Variants in EYS observed in about 807,000 individuals in gnomAD.
EYS encodes the protein EGF-like photoreceptor maintenance factor, also known as protein eyes shut homolog.
EYS carries 250 observed loss-of-function variants against 282.1 expected under a neutral mutation model. The ratio of observed to expected loss-of-function variants is 0.89; its 90% CI spans 0.80 to 0.98. The LOEUF is 0.98. Ranked by LOEUF, EYS falls within the 50% of genes least tolerant of loss-of-function variation. EYS has a pLI of 0.00. For synonymous variants in EYS, 1,355 were observed against 1,282.9 expected (o/e 1.06, Z -1.20); for missense variants, 4,016 against 3,709.0 (o/e 1.08, Z -2.15).
At chr6:65,239,316 A>T (rs1406103207) in intron 12 of EYS, among the ~76,000 whole-genome samples, 2 of 152,144 alleles carry the variant, frequency 1.3e-5, no homozygotes, top group Admixed American at 1.3e-4. Context: ...TCAATAAATT[A>T]TAGACAAGAA....
At chr6:65,208,561 T>C (rs1446937603) in intron 12 of EYS, among the ~76,000 whole-genome samples, 1 of 151,934 alleles carries the variant, frequency 6.6e-6, no homozygotes, top group Non-Finnish European at 1.5e-5. Flanking sequence ...TATGTGTCCA[T>C]CAATGGTTGA....
intron 5 of EYS, among the ~76,000 whole-genome samples, chr6:65,451,716 C>T (rs1417816638): frequency 6.6e-6 from 1 of 151,838 alleles, no homozygotes. Flanking sequence ...TTTTTAATTG[C>T]TACTTCCACA....
chr6:64,558,249 A>C (rs922729991), intron 26 of EYS, among the ~76,000 whole-genome samples: 1 of 152,128 alleles, frequency 6.6e-6, no homozygotes, highest in African/African-American at 2.4e-5. Context: ...TCTGCTTTAC[A>C]AAACCATTTC....
At chr6:64,683,084 G>A (rs1333122899) in intron 22 of EYS, among the ~76,000 whole-genome samples, 1 of 152,216 alleles carries the variant, frequency 6.6e-6, no homozygotes, top group African/African-American at 2.4e-5. Flanking sequence ...GACTTTAGCT[G>A]CTGTACACTC....
chr6:64,372,991 G>A (rs1772433601), intron 29 of EYS, among the ~76,000 whole-genome samples: 1 of 152,018 alleles, frequency 6.6e-6, no homozygotes, highest in South Asian at 2.1e-4. Context: ...CTTAGATTTG[G>A]TTGGGTTTTG....
chr6:65,639,966 T>G (rs1036793579), intron 1 of EYS, 74 bp from the exon 2 acceptor site: 1 of 152,174 alleles, frequency 6.6e-6, no homozygotes, highest in African/African-American at 2.4e-5. Context: ...CTCCCACATC[T>G]TATGGAGGGA....
intron 13 of EYS, among the ~76,000 whole-genome samples, chr6:65,043,341 C>T (rs9363327): frequency 0.37 from 55,486 of 151,094 alleles, 12,366 homozygotes; most frequent in Admixed American, 0.5. Context: ...GACAATAGTA[C>T]AGCAAATGAA....
In EYS at chr6:64,874,866, G is replaced by A. The variant is rs544412515; in HGVS notation, c.2992+11831C>T. Among the ~76,000 whole-genome samples, 4 of 152,074 alleles carry A rather than the reference G, an allele frequency of 2.6e-5. No individual in the cohort carries two copies. In the East Asian group the frequency reaches 5.8e-4, roughly 22 times the overall value. ...CCTGTATGCTAAGGTAGTTCACATC[G>A]TGTATGAAAAGATCCTCAAAGGGAG... On this transcript the variant is annotated intron_variant, in intron 19 of 42. Coordinates refer to ENST00000503581, the MANE Select transcript of EYS (RefSeq NM_001142800.2).
At chr6:63,878,393 A>G (rs1207698070) in intron 35 of EYS, among the ~76,000 whole-genome samples, 1 of 152,106 alleles carries the variant, frequency 6.6e-6, no homozygotes, top group African/African-American at 2.4e-5. Context: ...CCTTACTGGG[A>G]GGTGTCTTCC....
chr6:65,192,247 A>C (rs1399499608), intron 12 of EYS, among the ~76,000 whole-genome samples: 1 of 150,278 alleles, frequency 6.7e-6, no homozygotes, highest in African/African-American at 2.4e-5. Flanking sequence ...ATTTCCCAGG[A>C]TAGGGCACGT....
chr6:65,348,511 A>G (rs775222823), intron 9 of EYS, among the ~76,000 whole-genome samples: 8 of 151,706 alleles, frequency 5.3e-5, no homozygotes, highest in Non-Finnish European at 1.2e-4. Context: ...TGCTATTTGC[A>G]TATCTTCTTT....
At chr6:64,693,649 AG>A (rs1245071969) in intron 22 of EYS, among the ~76,000 whole-genome samples, 3 of 152,202 alleles carry the variant, frequency 2.0e-5, no homozygotes, top group African/African-American at 7.2e-5. Flanking sequence ...CAAAATTAAT[AG>A]ACCCAAATGT....
intron 5 of EYS, among the ~76,000 whole-genome samples, chr6:65,406,305 T>G (rs1002525597): frequency 1.3e-5 from 2 of 152,098 alleles, no homozygotes; most frequent in Non-Finnish European, 2.9e-5. Flanking sequence ...TTTGAGTGAG[T>G]TCTTTGTATA....
intron 12 of EYS, among the ~76,000 whole-genome samples, chr6:65,148,605 TG>T (rs1228437085): frequency 4.6e-5 from 7 of 152,006 alleles, no homozygotes; most frequent in Non-Finnish European, 1.0e-4. Flanking sequence ...TCTACTGTTC[TG>T]GGGGCTGGAG....
chr6:65,178,960 T>A (rs1292287834), intron 12 of EYS, among the ~76,000 whole-genome samples: 1 of 152,098 alleles, frequency 6.6e-6, no homozygotes, highest in African/African-American at 2.4e-5. Flanking sequence ...CCTGAATGAC[T>A]ACTGGGTACA....
chr6:65,681,554 G>A (rs1432392944), intron 1 of EYS, among the ~76,000 whole-genome samples: 1 of 151,816 alleles, frequency 6.6e-6, no homozygotes, highest in Admixed American at 6.6e-5. Context: ...ACAATGGTAG[G>A]CTACAAGCCT....
intron 22 of EYS, among the ~76,000 whole-genome samples, chr6:64,723,087 G>GAAAA (rs35150180): frequency 4.8e-5 from 7 of 146,760 alleles, no homozygotes; most frequent in African/African-American, 7.5e-5. Flanking sequence ...AGGCCCTAAG[G>GAAAA]AAAAAAAAAA....
intron 29 of EYS, among the ~76,000 whole-genome samples, chr6:64,346,787 A>T (rs887658207): frequency 6.6e-6 from 1 of 151,476 alleles, no homozygotes; most frequent in African/African-American, 2.4e-5. Flanking sequence ...TCTAGTGGAG[A>T]CTTCCGTTGA....
rs1173471465 is a variant in EYS at position 65,495,842 on chromosome 6, T to G, written c.-198+17A>C. The G allele has an allele frequency of 5.5e-6, 1 of 180,614 alleles. No homozygotes were observed. Among genetic ancestry groups the G allele is most frequent in the Non-Finnish European group, 1.2e-5 (1 of 85,204 alleles). 11.2% of individuals were successfully genotyped at this position (180,614 alleles called of 1,614,324 possible). ...GAAAAGTTCTGGTTTCATGACATAA[T>G]TAAGCCAGCAACTTACTGCGGTCTT... On this transcript the variant is annotated intron_variant, in intron 3 of 42. Coordinates refer to ENST00000503581, the MANE Select transcript of EYS (RefSeq NM_001142800.2).
Sources: gnomAD v4.1 joint callset for allele counts (sites outside exome capture counted in the v4.1 genomes callset) on GRCh38, gnomAD v4.1.1 for gene constraint, MANE v1.5 for transcripts, NCBI Gene and HGNC (gene_info 2026-07-23, HGNC 2026-07-21) for gene names.